PRIM2: variants seen among roughly 807,000 people sequenced by gnomAD.
PRIM2 encodes DNA primase large subunit.
PRIM2 carries 39 observed loss-of-function variants against 67.3 expected under a neutral mutation model. That is an observed-to-expected ratio of 0.58 (90% CI 0.45 to 0.76). PRIM2 has a LOEUF of 0.76. PRIM2 is among the 30% of genes least tolerant of loss of function. PRIM2 has a pLI of 0.00. For missense variants in PRIM2, 398 were observed against 598.7 expected, an observed-to-expected ratio of 0.66 and a Z score of 3.50; for synonymous variants, 143 against 198.7, an observed-to-expected ratio of 0.72 and a Z score of 2.36.
rs185365305 is a variant in PRIM2, at chr6:57,335,163, A to T, written c.459+9118A>T. Among the ~76,000 whole-genome samples, 552 of 152,350 alleles carry T rather than the reference A, an allele frequency of 3.6e-3. 2 individuals carry two copies. The highest frequency in any genetic ancestry group is 0.012 in the African/African-American group (511 of 41,572). On this transcript the variant is annotated intron_variant, in intron 5 of 13. Transcript: ENST00000615550. Reference sequence around the variant, plus strand: ...ACTGTGCTTTTCCGACAGGCTTAAAAAACGGCGCACCAGGAGATTATATCC... The same window carrying T: ...ACTGTGCTTTTCCGACAGGCTTAAATAACGGCGCACCAGGAGATTATATCC...
At chr6:57,449,445 A>C (rs1772467221) in intron 7 of PRIM2, among the ~76,000 whole-genome samples, 1 of 152,138 alleles carries the variant, frequency 6.6e-6, no homozygotes, top group African/African-American at 2.4e-5. Context: ...AGGATTATTC[A>C]ATTATTTTAT....
chr6:57,369,539 G>A (rs1333111803), intron 5 of PRIM2, among the ~76,000 whole-genome samples: 3 of 152,174 alleles, frequency 2.0e-5, no homozygotes, highest in Non-Finnish European at 4.4e-5. Context: ...AGTGGCAAGA[G>A]CAGAACTTCA....
chr6:57,472,971 T>C (rs1773375006), intron 7 of PRIM2, among the ~76,000 whole-genome samples: 1 of 152,210 alleles, frequency 6.6e-6, no homozygotes, highest in Non-Finnish European at 1.5e-5. Flanking sequence ...AATTAGTGTG[T>C]GTTGCATGTG....
At chr6:57,335,670 A>G (rs1768213653) in intron 5 of PRIM2, among the ~76,000 whole-genome samples, 1 of 152,200 alleles carries the variant, frequency 6.6e-6, no homozygotes, top group Non-Finnish European at 1.5e-5. Context: ...TAGAAGGAAA[A>G]CTAACAAACA....
the PRIM2 span, among the ~76,000 whole-genome samples, chr6:57,298,775 A>C: frequency 6.6e-6 from 1 of 152,210 alleles, no homozygotes; most frequent in African/African-American, 2.4e-5. Flanking sequence ...AAATAACATA[A>C]AGAAAATGCA....
At chr6:57,289,513 C>G in the PRIM2 span, among the ~76,000 whole-genome samples, 1 of 152,032 alleles carries the variant, frequency 6.6e-6, no homozygotes, top group African/African-American at 2.4e-5. Context: ...TCAGATTCAC[C>G]AAGGTTGAAA....
chr6:57,474,840 A>G (rs1302812166), intron 7 of PRIM2, among the ~76,000 whole-genome samples: 5 of 152,218 alleles, frequency 3.3e-5, no homozygotes, highest in Non-Finnish European at 5.9e-5. Context: ...CTTTTAACCT[A>G]TGCTGTTCAG....
chr6:57,506,636 T>A (rs1554347250), intron 7 of PRIM2, among the ~76,000 whole-genome samples: 1 of 152,124 alleles, frequency 6.6e-6, no homozygotes, highest in Non-Finnish European at 1.5e-5. Context: ...TTACTTTGAA[T>A]GAATGTCTTT....
chr6:57,291,703 A>C, the PRIM2 span, among the ~76,000 whole-genome samples: 1 of 152,226 alleles, frequency 6.6e-6, no homozygotes, highest in Non-Finnish European at 1.5e-5. Flanking sequence ...TATGCAAATC[A>C]ATAAACATAA....
At chr6:57,370,695 T>TC (rs1234263915) in intron 5 of PRIM2, among the ~76,000 whole-genome samples, 1 of 142,872 alleles carries the variant, frequency 7.0e-6, no homozygotes, top group Non-Finnish European at 1.5e-5. Context: ...ATCTATAGCT[T>TC]TTTTTTTTTT....
chr6:57,347,198 G>T (rs1768706153), intron 5 of PRIM2, among the ~76,000 whole-genome samples: 1 of 152,010 alleles, frequency 6.6e-6, no homozygotes, highest in Admixed American at 6.6e-5. Flanking sequence ...CCTTTAGTTG[G>T]TCCAAGGAAT....
chr6:57,416,913 C>G (rs1250489168), intron 7 of PRIM2, among the ~76,000 whole-genome samples: 3 of 151,286 alleles, frequency 2.0e-5, no homozygotes, highest in African/African-American at 7.3e-5. Context: ...CCATCCAGAC[C>G]ATTAAAACTT....
intron 8 of PRIM2, among the ~76,000 whole-genome samples, chr6:57,531,687 G>A (rs1774894689): frequency 6.6e-6 from 1 of 152,078 alleles, no homozygotes; most frequent in South Asian, 2.1e-4. Flanking sequence ...TGAAAAAATG[G>A]GGAATTAGGA....
rs545755499 is a variant in PRIM2, at chr6:57,364,880, G to C, written c.460-15021G>C. On this transcript the variant is annotated intron_variant, in intron 5 of 13. Transcript: ENST00000615550. ...AGTTTAACAGTATTTTTAAAATGCT[G>C]TTAAGCTAATATTTTTAAGTGTTTT... is the stretch of plus-strand genomic sequence containing the variant. Among the ~76,000 whole-genome samples, 164 of 152,220 alleles carry C rather than the reference G, an allele frequency of 1.1e-3. 2 individuals are homozygous for C. Among genetic ancestry groups the C allele is most frequent in the African/African-American group, 3.8e-3 (158 of 41,548 alleles).
In PRIM2 at chr6:57,627,279, C is replaced by CAAAAAAAAAAAA. The variant is rs1158722297; in HGVS notation, c.1231-4836_1231-4825dup. Reference sequence around the variant, plus strand: ...TGGGTGACAGAGTGAGACTCTGTCTCAAAAAAAAAAAAAAAAAAAAAAAAA... The same window carrying CAAAAAAAAAAAA: ...TGGGTGACAGAGTGAGACTCTGTCTCAAAAAAAAAAAAAAAAAAAAAAAAAAAAAAAAAAAAA... On this transcript the variant is annotated intron_variant, in intron 12 of 13. Transcript: ENST00000615550. Among the ~76,000 whole-genome samples, 49 of 24,528 alleles carry CAAAAAAAAAAAA rather than the reference C, an allele frequency of 2.0e-3. 6 individuals carry two copies. The highest frequency in any genetic ancestry group is 6.8e-3 in the East Asian group (2 of 294). 16.1% of individuals were successfully genotyped at this position (24,528 alleles called of 152,430 possible). A position where few individuals can be genotyped will look rare whatever the true frequency, so the allele number is the denominator to read the frequency against.
At chr6:57,543,416 T>G (rs1581980904) in intron 10 of PRIM2, among the ~76,000 whole-genome samples, 1 of 152,322 alleles carries the variant, frequency 6.6e-6, no homozygotes, top group East Asian at 1.9e-4. Flanking sequence ...CTGGAATTTT[T>G]CTGTACTATT....
intron 5 of PRIM2, among the ~76,000 whole-genome samples, chr6:57,330,766 A>G (rs1768031060): frequency 6.6e-6 from 1 of 152,024 alleles, no homozygotes. Context: ...GATGCCCTTT[A>G]TCAGATTGAG....
rs113455297 is a variant in PRIM2, at chr6:57,419,585, T to C, written c.693+37417T>C. ...GCAGGGAATTTGGGCTCCAGCCAAA[T>C]ACTCTGAGCTAGAGACTGGGTCCAG... On this transcript the variant is annotated intron_variant, in intron 7 of 13. Transcript: ENST00000615550. Among the ~76,000 whole-genome samples the C allele has an allele frequency of 4.5e-4, 68 of 152,200 alleles. 1 individual carries two copies. The highest frequency in any genetic ancestry group is 1.2e-3 in the African/African-American group (51 of 41,532).
intron 10 of PRIM2, among the ~76,000 whole-genome samples, chr6:57,570,188 A>ACACT (rs1775835316): frequency 6.6e-6 from 1 of 152,218 alleles, no homozygotes; most frequent in Non-Finnish European, 1.5e-5. Context: ...GGTAATAGAA[A>ACACT]CACTTGTCTA....
Sources: allele counts gnomAD v4.1 joint callset (sites outside exome capture counted in the v4.1 genomes callset), GRCh38; gene constraint gnomAD v4.1.1; transcripts MANE v1.5; gene names NCBI Gene and HGNC (gene_info 2026-07-23, HGNC 2026-07-21).